ARFIP1: variants seen among roughly 807,000 people sequenced by gnomAD.
ARFIP1 encodes the protein ARF interacting protein 1, also known as arfaptin-1.
A neutral mutation model predicts 42.5 loss-of-function variants in ARFIP1; 24 were observed. The ratio of observed to expected loss-of-function variants is 0.57; its 90% CI spans 0.41 to 0.80. The LOEUF (loss-of-function observed/expected upper bound fraction) is 0.80. Among genes scored for constraint, ARFIP1 ranks in the 30% least tolerant of loss-of-function variants. The pLI, the probability that ARFIP1 is intolerant of heterozygous loss-of-function variation, is 0.00. For missense variants in ARFIP1, 354 were observed against 434.0 expected, an observed-to-expected ratio of 0.82 and a Z score of 1.64; for synonymous variants, 141 against 153.7, an observed-to-expected ratio of 0.92 and a Z score of 0.61.
At chr4:152,908,986 C>T (rs970850943) in intron 8 of ARFIP1, among the ~76,000 whole-genome samples, 2 of 146,854 alleles carry the variant, frequency 1.4e-5, no homozygotes, top group African/African-American at 2.5e-5. Context: ...CATTTAGCAT[C>T]GTGTTTCAAA....
chr4:152,815,286 T>C (rs1033765577), intron 1 of ARFIP1, among the ~76,000 whole-genome samples: 4 of 152,134 alleles, frequency 2.6e-5, no homozygotes, highest in African/African-American at 4.8e-5. Flanking sequence ...AACAGCAAAA[T>C]TGAGTAGTTG....
At position 152,900,902 on chromosome 4, in the gene ARFIP1, A is replaced by G. The variant is rs151169993; in HGVS notation, c.967-9162A>G. Among the ~76,000 whole-genome samples, 360 of 152,336 alleles carry G rather than the reference A, an allele frequency of 2.4e-3. 1 individual carries two copies. The highest frequency in any genetic ancestry group is 8.1e-3 in the African/African-American group (335 of 41,574). Reference sequence around the variant, plus strand: ...CAATATTTTTGTACATTTAATATAAACCCCTATTTCATAGAATTATTGGGA... The same window carrying G: ...CAATATTTTTGTACATTTAATATAAGCCCCTATTTCATAGAATTATTGGGA... On this transcript the variant is annotated intron_variant, in intron 8 of 8. Coordinates refer to ENST00000353617, the MANE Select transcript of ARFIP1 (RefSeq NM_001025595.3).
intron 2 of ARFIP1, among the ~76,000 whole-genome samples, chr4:152,863,139 G>A (rs951102345): frequency 1.3e-5 from 2 of 152,160 alleles, no homozygotes; most frequent in African/African-American, 4.8e-5. Context: ...CACCCTGATT[G>A]AAGTCAGAGA....
At chr4:152,894,821 G>A (rs1006687105) in intron 8 of ARFIP1, among the ~76,000 whole-genome samples, 1 of 152,184 alleles carries the variant, frequency 6.6e-6, no homozygotes, top group Non-Finnish European at 1.5e-5. Context: ...CTCAAGGGAA[G>A]GTACATGGTC....
intron 3 of ARFIP1, 31 bp downstream of exon 3, chr4:152,863,745 G>A (rs1166393955): frequency 2.8e-6 from 4 of 1,438,382 alleles, no homozygotes; most frequent in Middle Eastern, 1.8e-4. Flanking sequence ...AAAGATGGCT[G>A]GGATAGAGGA....
chr4:152,815,738 C>CTTTTTTTTTTTT (rs1218298842), intron 1 of ARFIP1, among the ~76,000 whole-genome samples: 1 of 85,548 alleles, frequency 1.2e-5, no homozygotes, highest in Admixed American at 1.6e-4. Context: ...CTGACCACTT[C>CTTTTTTTTTTTT]TTTTTTTTTT....
At chr4:152,907,770 A>G (rs918265386) in intron 8 of ARFIP1, among the ~76,000 whole-genome samples, 3 of 152,160 alleles carry the variant, frequency 2.0e-5, no homozygotes, top group East Asian at 1.9e-4. Flanking sequence ...AGACCACTCT[A>G]TCTGTTCTCC....
intron 8 of ARFIP1, among the ~76,000 whole-genome samples, chr4:152,898,874 A>G (rs977078783): frequency 1.3e-5 from 2 of 152,208 alleles, no homozygotes; most frequent in Admixed American, 6.5e-5. Flanking sequence ...AGCACAGCAT[A>G]CTATTACTAC....
chr4:152,788,836 C>T (rs1391295575), intron 1 of ARFIP1, among the ~76,000 whole-genome samples: 1 of 139,378 alleles, frequency 7.2e-6, no homozygotes, highest in Non-Finnish European at 1.5e-5. Context: ...TCAAGGATCC[C>T]ATCTAGGATA....
At position 152,814,097 on chromosome 4, in the gene ARFIP1, C is replaced by CTT. The variant is rs67593845; in HGVS notation, c.-9-15511_-9-15510dup. ...TTCTTCTGTCTTCTTTCTTCTTCTTCTTTTTTTTTTTTTTTTTTGTTTCAC... is the reference window on the plus strand; with the variant it reads ...TTCTTCTGTCTTCTTTCTTCTTCTTCTTTTTTTTTTTTTTTTTTTTGTTTCAC... On this transcript the variant is annotated intron_variant, in intron 1 of 8. Transcript: ENST00000353617. Among the ~76,000 whole-genome samples the CTT allele has an allele frequency of 4.5e-3, 502 of 110,870 alleles. 7 individuals are homozygous for CTT. The highest frequency in any genetic ancestry group is 9.2e-3 in the East Asian group (36 of 3,932). The allele number at this position is 110,870 out of a possible 152,430, so 72.7% of individuals were successfully genotyped here.
At chr4:152,857,893 T>C (rs1040651387) in intron 2 of ARFIP1, among the ~76,000 whole-genome samples, 5 of 152,236 alleles carry the variant, frequency 3.3e-5, no homozygotes, top group African/African-American at 7.2e-5. Context: ...CATCAGTCTA[T>C]GTGGGCAGGG....
intron 1 of ARFIP1, 124 bp from the exon 2 acceptor site, chr4:152,829,501 C>A: frequency 7.1e-6 from 4 of 560,078 alleles, no homozygotes; most frequent in Admixed American, 5.7e-5. Context: ...GTTTATTATA[C>A]AAGTATTTGG....
chr4:152,900,863 A>G (rs1291839705), intron 8 of ARFIP1, among the ~76,000 whole-genome samples: 10 of 152,198 alleles, frequency 6.6e-5, no homozygotes. Flanking sequence ...TTTTCTTACA[A>G]CCAGCTACTA....
intron 8 of ARFIP1, among the ~76,000 whole-genome samples, chr4:152,889,926 A>G (rs1176350208): frequency 2.1e-5 from 3 of 139,712 alleles, no homozygotes; most frequent in East Asian, 2.0e-4. Flanking sequence ...TAGTGTATGT[A>G]TACTATACAT....
At chr4:152,848,344 A>G (rs184078340) in intron 2 of ARFIP1, among the ~76,000 whole-genome samples, 27 of 152,320 alleles carry the variant, frequency 1.8e-4, no homozygotes, top group Non-Finnish European at 3.7e-4. Context: ...TTATTCACGT[A>G]AGAACGAGGA....
intron 2 of ARFIP1, among the ~76,000 whole-genome samples, chr4:152,841,388 T>G (rs1578910021): frequency 1.3e-5 from 2 of 152,176 alleles, no homozygotes; most frequent in South Asian, 4.1e-4. Flanking sequence ...ATGTTAGTAT[T>G]GAAATGTGAG....
intron 2 of ARFIP1, among the ~76,000 whole-genome samples, chr4:152,845,119 C>T (rs913108505): frequency 2.6e-5 from 4 of 152,084 alleles, no homozygotes; most frequent in African/African-American, 4.8e-5. Context: ...AAAGGACTTT[C>T]TATTCAATAA....
At chr4:152,900,215 G>C (rs1737707045) in intron 8 of ARFIP1, among the ~76,000 whole-genome samples, 1 of 152,018 alleles carries the variant, frequency 6.6e-6, no homozygotes, top group Non-Finnish European at 1.5e-5. Context: ...TAAAAACATA[G>C]AACAAAAAAG....
chr4:152,800,877 G>A (rs1297706037), intron 1 of ARFIP1, among the ~76,000 whole-genome samples: 1 of 152,132 alleles, frequency 6.6e-6, no homozygotes, highest in Non-Finnish European at 1.5e-5. Context: ...AGGAGTAGCA[G>A]CCAGGAATAT....
Sources: gnomAD v4.1 joint callset for allele counts (sites outside exome capture counted in the v4.1 genomes callset) on GRCh38, gnomAD v4.1.1 for gene constraint, MANE v1.5 for transcripts, NCBI Gene and HGNC (gene_info 2026-07-23, HGNC 2026-07-21) for gene names.